Variants in KLF3 observed in about 807,000 individuals in gnomAD.
KLF3 encodes KLF transcription factor 3.
Under a neutral mutation model 32.7 loss-of-function variants are expected in KLF3, and 6 were observed. That is an observed-to-expected ratio of 0.18 (90% CI 0.10 to 0.36). The LOEUF is 0.36. Among genes scored for constraint, KLF3 ranks in the 10% least tolerant of loss-of-function variants. The pLI, the probability that KLF3 is intolerant of heterozygous loss-of-function variation, is 1.00. For synonymous variants in KLF3, 145 were observed against 172.8 expected (o/e 0.84, Z 1.26); for missense variants, 338 against 449.7 (o/e 0.75, Z 2.25).
intron 4 of KLF3, chr4:38,690,845 T>G (rs1192988762): frequency 6.6e-6 from 1 of 152,242 alleles, no homozygotes; most frequent in African/African-American, 2.4e-5. Context: ...AGAATAACTA[T>G]TTTATGGTAA....
At chr4:38,692,558 C>A (rs1181830246) in intron 4 of KLF3, among the ~76,000 whole-genome samples, 1 of 152,152 alleles carries the variant, frequency 6.6e-6, no homozygotes, top group Admixed American at 6.5e-5. Context: ...TCTGAGATAA[C>A]ATTATTATCA....
At position 38,688,389 on chromosome 4, in the gene KLF3, C is replaced by T. The variant is rs571957312; in HGVS notation, c.58-196C>T. Among the ~76,000 whole-genome samples, 10 of 152,134 alleles carry T rather than the reference C, an allele frequency of 6.6e-5. No homozygotes were observed. The highest frequency in any genetic ancestry group is 1.0e-4 in the Non-Finnish European group (7 of 68,006). ...ATCTTAGTTTTAATATTTTTGAGAC[C>T]GCCTCTCATAGCATTTTTAATGTTG... On this transcript the variant is annotated intron_variant, in intron 2 of 5. Coordinates refer to ENST00000261438, the MANE Select transcript of KLF3 (RefSeq NM_016531.6). This position sits in a 1 kb window ranked among gnomAD's most constrained non-coding sequence, Gnocchi z 4.9.
Position 38,701,110 on chromosome 4 carries a change from C to T in KLF3, c.*3847C>T, listed in dbSNP as rs1254393663. On this transcript the variant is annotated 3_prime_UTR_variant, in exon 6 of 6. Transcript: ENST00000261438. The stretch of plus-strand genomic sequence containing the variant: ...AAACTTACAGAGCAATGTAAGAACC[C>T]TTGCTTAGAACATTACTTACTCTGA... 1 of 152,152 alleles carries T rather than the reference C, an allele frequency of 6.6e-6. No individual in the cohort carries two copies. Among genetic ancestry groups the T allele is most frequent in the East Asian group, 1.9e-4 (1 of 5,200 alleles). The allele number at this position is 152,152 out of a possible 1,614,324, so 9.4% of individuals were successfully genotyped here.
At position 38,688,410 on chromosome 4, in the gene KLF3, T is replaced by G. The variant is rs991829814; in HGVS notation, c.58-175T>G. Among the ~76,000 whole-genome samples the G allele has an allele frequency of 6.6e-6, 1 of 152,240 alleles. No individual in the cohort carries two copies. Among genetic ancestry groups the G allele is most frequent in the Non-Finnish European group, 1.5e-5 (1 of 68,042 alleles). On this transcript the variant is annotated intron_variant, in intron 2 of 5. Coordinates refer to ENST00000261438, the MANE Select transcript of KLF3 (RefSeq NM_016531.6). This position sits in a 1 kb window ranked among gnomAD's most constrained non-coding sequence, Gnocchi z 4.9. ...AGACCGCCTCTCATAGCATTTTTAA[T>G]GTTGAGACCACCTCTTTGAGCATTT...
At chr4:38,680,328 C>G (rs1722480455) in intron 1 of KLF3, among the ~76,000 whole-genome samples, 1 of 152,042 alleles carries the variant, frequency 6.6e-6, no homozygotes, top group East Asian at 1.9e-4. Flanking sequence ...ATTCTCCTGC[C>G]TCAGCCTTCC....
Position 38,695,713 on chromosome 4 carries a change from T to C in KLF3, c.856+807T>C, listed in dbSNP as rs77320460. Among the ~76,000 whole-genome samples, 4 of 152,238 alleles carry C rather than the reference T, an allele frequency of 2.6e-5. No homozygotes were observed. The East Asian group carries it at 7.7e-4, about 29-fold the overall frequency. On this transcript the variant is annotated intron_variant, in intron 5 of 5. Transcript: ENST00000261438. Reference sequence around the variant, plus strand: ...ATAGGGAGGCCATGTCTCTAAAAAATATTAAAAATGACATCTTTTAACAGC... The same window carrying C: ...ATAGGGAGGCCATGTCTCTAAAAAACATTAAAAATGACATCTTTTAACAGC...
In KLF3 at chr4:38,688,825, T is replaced by C; in HGVS notation, c.298T>C (p.Ser100Pro). 6.2e-7 allele frequency: 1 copy of C among 1,614,162 alleles called. No individual in the cohort carries two copies. Among genetic ancestry groups the C allele is most frequent in the South Asian group, 1.1e-5 (1 of 91,076 alleles). ...CTCGCCTGGGTTGAGCATGCCTTCTTCCAGCCCACCGATAAAAAAATACTC... is the reference window on the plus strand; with the variant it reads ...CTCGCCTGGGTTGAGCATGCCTTCTCCCAGCCCACCGATAAAAAAATACTC... ...RASPGLSMPS[S>P]SPPIKKYSPP... Residue 100 changes from serine to proline, a missense_variant, in exon 3 of 6, where the codon TCC becomes CCC. Ser to Pro is a moderately conservative substitution (Grantham distance 74). Coordinates refer to ENST00000261438, the MANE Select transcript of KLF3 (RefSeq NM_016531.6). This position sits in a 1 kb window ranked among gnomAD's most constrained non-coding sequence, Gnocchi z 4.9.
At chr4:38,681,115 C>T (rs1722511680) in intron 2 of KLF3, 2 of 171,814 alleles carry the variant, frequency 1.2e-5, no homozygotes, top group Non-Finnish European at 2.6e-5. Context: ...GCAAACTTTT[C>T]TCAACGCCAC....
intron 1 of KLF3, among the ~76,000 whole-genome samples, chr4:38,667,659 C>T (rs1041449969): frequency 6.6e-6 from 1 of 152,156 alleles, no homozygotes; most frequent in Admixed American, 6.5e-5. Flanking sequence ...GTGGTTAGGG[C>T]GTTTGTTTTA....
intron 1 of KLF3, among the ~76,000 whole-genome samples, 181 bp from the exon 2 acceptor site, chr4:38,680,406 G>T (rs1722483599): frequency 6.6e-6 from 1 of 151,930 alleles, no homozygotes; most frequent in African/African-American, 2.4e-5. Flanking sequence ...TGGAGACGGG[G>T]TTTCACCATG....
In KLF3 at chr4:38,674,551, G is replaced by A. The variant is rs1014624274; in HGVS notation, c.-39-6036G>A. 4.6e-5 allele frequency among the ~76,000 whole-genome samples: 7 copies of A among 152,038 alleles called. No individual in the cohort carries two copies. Among genetic ancestry groups the A allele is most frequent in the Admixed American group, 2.0e-4 (3 of 15,254 alleles). On this transcript the variant is annotated intron_variant, in intron 1 of 5. Transcript: ENST00000261438. This position sits in a 1 kb window ranked among gnomAD's most constrained non-coding sequence, Gnocchi z 4.1. ...AGAAGAGTTGAAAGGGAGGCTTAGCGATGGTGTGTTAGTGTATTGCTCCGT... is the reference window on the plus strand; with the variant it reads ...AGAAGAGTTGAAAGGGAGGCTTAGCAATGGTGTGTTAGTGTATTGCTCCGT...
chr4:38,688,792 C>A lies in KLF3; in HGVS notation c.265C>A (p.Arg89=). ...CTCTCTGAAGTTCCCGTCCTCACAC[C>A]GGAGAGCCTCGCCTGGGTTGAGCAT... ...PSSLKFPSSH[R]RASPGLSMPS... The change falls in exon 3 of 6, where the codon CGG becomes AGG. Residue 89 remains arginine, a synonymous_variant. Coordinates refer to ENST00000261438, the MANE Select transcript of KLF3 (RefSeq NM_016531.6). The surrounding 1 kb of genome is among the most constrained non-coding windows in gnomAD (Gnocchi z 4.9). The A allele has an allele frequency of 1.9e-6, 3 of 1,614,246 alleles. No homozygotes were observed. Among genetic ancestry groups the A allele is most frequent in the South Asian group, 1.1e-5 (1 of 91,082 alleles).
chr4:38,679,847 G>T (rs1722463903), intron 1 of KLF3, among the ~76,000 whole-genome samples: 1 of 152,198 alleles, frequency 6.6e-6, no homozygotes, highest in Non-Finnish European at 1.5e-5. Context: ...TTTAATGATG[G>T]TTGGTTCTAG....
At chr4:38,687,223 A>G (rs1339495409) in intron 2 of KLF3, among the ~76,000 whole-genome samples, 1 of 152,240 alleles carries the variant, frequency 6.6e-6, no homozygotes, top group Non-Finnish European at 1.5e-5. Context: ...CAGACATTCA[A>G]GTACAAAGAA....
intron 1 of KLF3, among the ~76,000 whole-genome samples, chr4:38,670,460 C>G (rs1650586092): frequency 6.6e-6 from 1 of 152,178 alleles, no homozygotes; most frequent in African/African-American, 2.4e-5. Flanking sequence ...GGAGAGCGAC[C>G]TGCAAATCAA....
chr4:38,667,815 ATT>A (rs1170698287), intron 1 of KLF3, among the ~76,000 whole-genome samples: 1 of 152,192 alleles, frequency 6.6e-6, no homozygotes, highest in African/African-American at 2.4e-5. Flanking sequence ...TGGATGGAGA[ATT>A]TAAGCAATGT....
At chr4:38,680,755 T>TCA (rs1722497249) in intron 2 of KLF3, 73 bp downstream of exon 2, 7 of 1,245,920 alleles carry the variant, frequency 5.6e-6, no homozygotes, top group African/African-American at 1.5e-5. Flanking sequence ...TGTTGAATTA[T>TCA]TCCTTGAAAT....
chr4:38,678,697 T>C (rs1047882022), intron 1 of KLF3, among the ~76,000 whole-genome samples: 1 of 152,148 alleles, frequency 6.6e-6, no homozygotes, highest in Non-Finnish European at 1.5e-5. Flanking sequence ...CACAACAAAT[T>C]ATAGGATTGC....
At chr4:38,677,013 TGCA>T (rs1295860772) in intron 1 of KLF3, among the ~76,000 whole-genome samples, 1 of 147,226 alleles carries the variant, frequency 6.8e-6, no homozygotes, top group Non-Finnish European at 1.5e-5. Flanking sequence ...CCAAGCTGAG[TGCA>T]GTGGTGCTAT....
Sources: allele counts gnomAD v4.1 joint callset (sites outside exome capture counted in the v4.1 genomes callset), GRCh38; gene constraint gnomAD v4.1.1; non-coding constraint Gnocchi (gnomAD v3.1); transcripts MANE v1.5; gene names NCBI Gene and HGNC (gene_info 2026-07-23, HGNC 2026-07-21).